TCAF1: variants seen among roughly 807,000 people sequenced by gnomAD.
The protein encoded by TCAF1 is TRPM8 channel associated factor 1.
Under a neutral mutation model 27.3 loss-of-function variants are expected in TCAF1, and 4 were observed. The observed-to-expected ratio is 0.15, with a 90% CI of 0.07 to 0.34. TCAF1 has a LOEUF of 0.34. Ranked by LOEUF, TCAF1 falls within the 10% of genes least tolerant of loss-of-function variation. The pLI is 1.00. For synonymous variants in TCAF1, 105 were observed against 167.1 expected, an observed-to-expected ratio of 0.63 and a Z score of 2.87; for missense variants, 257 against 425.8, an observed-to-expected ratio of 0.60 and a Z score of 3.49.
intron 1 of TCAF1, among the ~76,000 whole-genome samples, chr7:143,900,545 C>T (rs1814070647): frequency 6.6e-6 from 1 of 152,088 alleles, no homozygotes; most frequent in South Asian, 2.1e-4. Context: ...CTTGAGATGA[C>T]TGAGGCCCAG....
chr7:143,897,327 G>C (rs747021478), intron 1 of TCAF1, among the ~76,000 whole-genome samples: 48 of 151,340 alleles, frequency 3.2e-4, no homozygotes, highest in Non-Finnish European at 6.6e-4. Flanking sequence ...TGACAAGGAA[G>C]ACCTTCATGA....
chr7:143,885,169 G>T, intron 1 of TCAF1: 1 of 985,590 alleles, frequency 1.0e-6, no homozygotes, highest in South Asian at 4.7e-5. Context: ...GTGTGCCCGG[G>T]CCTGGTCTGG....
chr7:143,891,137 A>G (rs981903676), intron 1 of TCAF1, among the ~76,000 whole-genome samples: 2 of 152,266 alleles, frequency 1.3e-5, no homozygotes, highest in African/African-American at 4.8e-5. Context: ...TGATAGCATC[A>G]AAGTAATCTG....
At chr7:143,886,966 A>G (rs1026410527) in intron 1 of TCAF1, among the ~76,000 whole-genome samples, 8 of 150,080 alleles carry the variant, frequency 5.3e-5, no homozygotes, top group African/African-American at 2.0e-4. Flanking sequence ...TTCCGCTCCC[A>G]AAGTACTGGG....
At chr7:143,892,133 A>C (rs13245092) in intron 1 of TCAF1, among the ~76,000 whole-genome samples, 8,116 of 152,304 alleles carry the variant, frequency 0.053, 340 homozygotes, top group Non-Finnish European at 0.086. Flanking sequence ...TCATAGAAGT[A>C]CAGTGCTGTA....
intron 6 of TCAF1, among the ~76,000 whole-genome samples, chr7:143,859,995 T>TAA (rs1367913993): frequency 2.1e-3 from 25 of 11,656 alleles, no homozygotes; most frequent in Non-Finnish European, 7.2e-3. Flanking sequence ...ATAATATATA[T>TAA]TATATAATAT....
chr7:143,874,900 T>C (rs1812604815), intron 2 of TCAF1, among the ~76,000 whole-genome samples: 1 of 152,246 alleles, frequency 6.6e-6, no homozygotes, highest in South Asian at 2.1e-4. Context: ...ATATATAATA[T>C]GTTTAATAAA....
chr7:143,888,043 A>C (rs1014802174), intron 1 of TCAF1, among the ~76,000 whole-genome samples: 2 of 152,202 alleles, frequency 1.3e-5, no homozygotes, highest in Admixed American at 6.5e-5. Flanking sequence ...GTTTGTAAAA[A>C]TGTATCAAGC....
At chr7:143,883,589 T>G (rs1813219867) in intron 1 of TCAF1, among the ~76,000 whole-genome samples, 1 of 130,250 alleles carries the variant, frequency 7.7e-6, no homozygotes, top group Non-Finnish European at 1.6e-5. Flanking sequence ...CACTGCAACC[T>G]CCGCCTCCCG....
intron 1 of TCAF1, among the ~76,000 whole-genome samples, chr7:143,884,834 G>GT (rs1394792229): frequency 6.6e-6 from 1 of 152,108 alleles, no homozygotes; most frequent in African/African-American, 2.4e-5. Context: ...TCTCCTGCGC[G>GT]TAGCTTTGAA....
chr7:143,885,501 G>A (rs1354243266), intron 1 of TCAF1: 1 of 985,304 alleles, frequency 1.0e-6, no homozygotes, highest in Non-Finnish European at 1.2e-6. Flanking sequence ...GATCCGGGAT[G>A]GAGACCCAGA....
chr7:143,880,861 T>C (rs1812976430), intron 1 of TCAF1, among the ~76,000 whole-genome samples: 1 of 152,236 alleles, frequency 6.6e-6, no homozygotes, highest in Admixed American at 6.5e-5. Context: ...GAATCCATGT[T>C]TGTCCTCCAA....
intron 1 of TCAF1, among the ~76,000 whole-genome samples, chr7:143,883,141 GTAT>G (rs1403615558): frequency 1.3e-5 from 2 of 152,232 alleles, no homozygotes; most frequent in African/African-American, 4.8e-5. Context: ...ATTCTGCTTA[GTAT>G]TATTCAGTTC....
At chr7:143,887,869 T>G (rs564198610) in intron 1 of TCAF1, among the ~76,000 whole-genome samples, 41 of 152,338 alleles carry the variant, frequency 2.7e-4, no homozygotes, top group African/African-American at 1.7e-4. Flanking sequence ...TATTGTTATA[T>G]TTACATAAAT....
At chr7:143,891,557 A>G (rs1813637421) in intron 1 of TCAF1, among the ~76,000 whole-genome samples, 1 of 152,156 alleles carries the variant, frequency 6.6e-6, no homozygotes, top group Non-Finnish European at 1.5e-5. Flanking sequence ...AAAGGTAAGT[A>G]GAAAGTATCC....
intron 1 of TCAF1, among the ~76,000 whole-genome samples, chr7:143,885,952 A>C (rs1236455588): frequency 1.3e-5 from 2 of 152,226 alleles, no homozygotes; most frequent in African/African-American, 4.8e-5. Flanking sequence ...TACATAAAAT[A>C]TCCTCACCCA....
intron 1 of TCAF1, among the ~76,000 whole-genome samples, chr7:143,888,630 C>G (rs1427386541): frequency 6.6e-6 from 1 of 152,160 alleles, no homozygotes; most frequent in Non-Finnish European, 1.5e-5. Flanking sequence ...ATTCAAAAAC[C>G]CTAAGCAAAT....
intron 1 of TCAF1, chr7:143,885,491 G>T (rs1586787979): frequency 1.0e-6 from 1 of 985,424 alleles, no homozygotes; most frequent in Non-Finnish European, 1.2e-6. Flanking sequence ...TGCCGCCCCA[G>T]ATCCGGGATG....
intron 1 of TCAF1, among the ~76,000 whole-genome samples, chr7:143,877,679 C>A (rs1222226761): frequency 6.6e-6 from 1 of 152,190 alleles, no homozygotes; most frequent in Non-Finnish European, 1.5e-5. Flanking sequence ...GAAACACTTC[C>A]TCCAAGGACA....
Sources: gnomAD v4.1 joint callset for allele counts (sites outside exome capture counted in the v4.1 genomes callset) on GRCh38, gnomAD v4.1.1 for gene constraint, MANE v1.5 for transcripts, NCBI Gene and HGNC (gene_info 2026-07-23, HGNC 2026-07-21) for gene names.